MGAM: variants seen among roughly 807,000 people sequenced by gnomAD.
MGAM encodes the protein alpha-1,4-glucosidase.
MGAM carries 253 observed loss-of-function variants against 358.8 expected under a neutral mutation model. The observed-to-expected ratio is 0.71, with a 90% CI of 0.64 to 0.78. MGAM has a LOEUF of 0.78. Ranked by LOEUF, MGAM falls within the 30% of genes least tolerant of loss-of-function variation. The probability of loss-of-function intolerance (pLI) is 0.00; values close to 1 mark genes in which losing one functional copy is unlikely to be tolerated. For missense variants in MGAM, 3,080 were observed against 3,432.6 expected (o/e 0.90, Z 2.57); for synonymous variants, 1,105 against 1,227.1 (o/e 0.90, Z 2.08).
intron 25 of MGAM, 146 bp from the exon 26 acceptor site, chr7:142,052,638 A>C: frequency 1.5e-6 from 2 of 1,306,744 alleles, no homozygotes; most frequent in Non-Finnish European, 2.1e-6. Context: ...GCTTGGAGAC[A>C]AGGAATTGAA....
In MGAM at chr7:142,087,501, C is replaced by A. The variant is rs565568141; in HGVS notation, c.6810+784C>A. On this transcript the variant is annotated intron_variant, in intron 57 of 70. Coordinates refer to ENST00000475668, the MANE Select transcript of MGAM (RefSeq NM_001365693.1). ...TTTACTATCAATTGTTGTGACAGTA[C>A]CCACAGGCAGGATTCTTAGTGCGGG... 5.5e-5 allele frequency among the ~76,000 whole-genome samples: 8 copies of A among 146,298 alleles called. 1 individual carries two copies. The highest frequency in any genetic ancestry group is 4.8e-4 in the Admixed American group (7 of 14,550).
rs1266467553 is a variant in MGAM, at chr7:142,045,780, AT to A, written c.2499-2004del. Among the ~76,000 whole-genome samples, 2 of 122,302 alleles carry A rather than the reference AT, an allele frequency of 1.6e-5. 1 individual carries two copies. The highest frequency in any genetic ancestry group is 6.6e-5 in the African/African-American group (2 of 30,148). 80.2% of individuals were successfully genotyped at this position (122,302 alleles called of 152,430 possible). On this transcript the variant is annotated intron_variant, in intron 21 of 70. Coordinates refer to ENST00000475668, the MANE Select transcript of MGAM (RefSeq NM_001365693.1). Reference sequence around the variant, plus strand: ...ATATATACATACAATGTATGAATATATAATATACATATCGTATATACATACA... The same window carrying A: ...ATATATACATACAATGTATGAATATAAATATACATATCGTATATACATACA...
chr7:141,994,051 C>T (rs1804059762), upstream of MGAM, among the ~76,000 whole-genome samples: 1 of 152,174 alleles, frequency 6.6e-6, no homozygotes, highest in East Asian at 1.9e-4. Flanking sequence ...AATTTTCGTA[C>T]TTTTAGTAGA....
At chr7:142,067,192 G>C in intron 41 of MGAM, 149 bp from the exon 42 acceptor site, 2 of 703,658 alleles carry the variant, frequency 2.8e-6, no homozygotes, top group Non-Finnish European at 4.9e-6. Flanking sequence ...GAGGCTGGGT[G>C]CTCCTGATGA....
intron 3 of MGAM, among the ~76,000 whole-genome samples, chr7:142,009,838 C>A (rs563867590): frequency 1.3e-5 from 2 of 152,110 alleles, no homozygotes; most frequent in South Asian, 2.1e-4. Context: ...GTATGCTGAT[C>A]CAGATTGTTG....
In MGAM at chr7:142,059,775, C is replaced by T. The variant is rs1319495406; in HGVS notation, c.3949-81C>T. On this transcript the variant is annotated intron_variant, in intron 32 of 70. Transcript: ENST00000475668. ...GTGCAGGTAGAAGCCAGCGAGTTCACCCTTGAGGAGTTCTCCTTCATTCTG... is the reference window on the plus strand; with the variant it reads ...GTGCAGGTAGAAGCCAGCGAGTTCATCCTTGAGGAGTTCTCCTTCATTCTG... 6 of 1,571,696 alleles carry T rather than the reference C, an allele frequency of 3.8e-6. No homozygotes were observed. In the African/African-American group the frequency reaches 4.1e-5, roughly 11 times the overall value.
chr7:142,072,055 G>A (rs1321161210), intron 44 of MGAM, among the ~76,000 whole-genome samples: 1 of 145,714 alleles, frequency 6.9e-6, no homozygotes, highest in Non-Finnish European at 1.6e-5. Context: ...ATACCAGTTG[G>A]CTTCCATTTT....
Position 142,076,899 on chromosome 7 carries a change from T to C in MGAM, c.5493+73T>C, listed in dbSNP as rs1218017782. On this transcript the variant is annotated intron_variant, in intron 47 of 70. Transcript: ENST00000475668. ...ACCATGATGTTTCTTCTTGCCAAGT[T>C]TGCATGGGTCCCTGAAGTACCAGGG... 5 of 1,461,866 alleles carry C rather than the reference T, an allele frequency of 3.4e-6. 1 individual carries two copies. Among genetic ancestry groups the C allele is most frequent in the Admixed American group, 1.8e-5 (1 of 54,902 alleles). The allele number at this position is 1,461,866 out of a possible 1,614,324, so 90.6% of individuals were successfully genotyped here.
Position 142,032,929 on chromosome 7 carries a change from A to C in MGAM, c.1669+20A>C. The C allele has an allele frequency of 6.7e-7, 1 of 1,486,944 alleles. No homozygotes were observed. Among genetic ancestry groups the C allele is most frequent in the Non-Finnish European group, 9.3e-7 (1 of 1,072,276 alleles). 92.1% of individuals were successfully genotyped at this position (1,486,944 alleles called of 1,614,324 possible). A position where few individuals can be genotyped will look rare whatever the true frequency, so the allele number is the denominator to read the frequency against. On this transcript the variant is annotated intron_variant, in intron 14 of 70. Transcript: ENST00000475668. ...CTCCCAGTAAGTCTTGGTGGTCAGC[A>C]GATTAAAGTAGCCATATGTATTTCA...
chr7:142,097,967 TTGTGTTG>T (rs1816092509), intron 66 of MGAM, among the ~76,000 whole-genome samples: 1 of 152,242 alleles, frequency 6.6e-6, no homozygotes, highest in Non-Finnish European at 1.5e-5. Context: ...GCTTTTGAGA[TTGTGTTG>T]CAAACTATAG....
chr7:142,080,690 A>T, intron 49 of MGAM, 101 bp from the exon 50 acceptor site: 1 of 1,063,058 alleles, frequency 9.4e-7, no homozygotes, highest in Non-Finnish European at 1.3e-6. Flanking sequence ...GAAGACAGAA[A>T]CATAGCATCT....
At chr7:142,014,583 A>G (rs1554455414) in intron 3 of MGAM, among the ~76,000 whole-genome samples, 1 of 152,114 alleles carries the variant, frequency 6.6e-6, no homozygotes, top group Non-Finnish European at 1.5e-5. Context: ...TCCCCCACGC[A>G]TATCCCTTCT....
intron 70 of MGAM, among the ~76,000 whole-genome samples, 168 bp from the exon 71 acceptor site, chr7:142,105,646 A>G (rs1212181851): frequency 6.6e-6 from 1 of 152,250 alleles, no homozygotes; most frequent in African/African-American, 2.4e-5. Context: ...ACTCTAAAAA[A>G]TTAGAAAACA....
intron 21 of MGAM, among the ~76,000 whole-genome samples, chr7:142,042,200 T>TATATAAC (rs1348835420): frequency 2.0e-3 from 1 of 502 alleles, no homozygotes; most frequent in Non-Finnish European, 2.6e-3. Flanking sequence ...ATACATATAA[T>TATATAAC]ATATAACATA....
At chr7:142,101,283 T>C (rs999051362) in intron 68 of MGAM, among the ~76,000 whole-genome samples, 6 of 152,066 alleles carry the variant, frequency 3.9e-5, no homozygotes, top group Admixed American at 6.6e-5. Flanking sequence ...TATTTTCTAT[T>C]AGGAGTTTAT....
intron 21 of MGAM, among the ~76,000 whole-genome samples, chr7:142,041,872 T>TTA (rs1554468667): frequency 5.9e-5 from 6 of 102,100 alleles, no homozygotes; most frequent in African/African-American, 7.6e-5. Flanking sequence ...TATATATATA[T>TTA]TATATATATA....
intron 21 of MGAM, among the ~76,000 whole-genome samples, chr7:142,046,738 A>G (rs1329627560): frequency 6.6e-6 from 1 of 152,150 alleles, no homozygotes. Context: ...AACTAGGATC[A>G]GGGAATATTT....
chr7:142,072,826 T>C (rs1813449901), intron 44 of MGAM, among the ~76,000 whole-genome samples: 1 of 146,422 alleles, frequency 6.8e-6, no homozygotes, highest in East Asian at 2.0e-4. Context: ...ATTCTGTACC[T>C]TGGATTACTA....
At chr7:142,035,674 G>A (rs782639632) in intron 16 of MGAM, among the ~76,000 whole-genome samples, 11 of 152,074 alleles carry the variant, frequency 7.2e-5, no homozygotes, top group Admixed American at 4.6e-4. Context: ...TTGGTGTGTG[G>A]GACTGGAATG....
Sources: gnomAD v4.1 joint callset for allele counts (sites outside exome capture counted in the v4.1 genomes callset) on GRCh38, gnomAD v4.1.1 for gene constraint, MANE v1.5 for transcripts, NCBI Gene and HGNC (gene_info 2026-07-23, HGNC 2026-07-21) for gene names.